Variants in RTKN2 observed in about 807,000 individuals in gnomAD.
RTKN2 encodes rhotekin 2.
Under a neutral mutation model 71.5 loss-of-function variants are expected in RTKN2, and 69 were observed. The observed-to-expected ratio is 0.96, with a 90% CI of 0.79 to 1.18. The LOEUF is 1.18. Ranked by LOEUF, RTKN2 falls within the 50% of genes most tolerant of loss-of-function variation. The pLI, the probability that RTKN2 is intolerant of heterozygous loss-of-function variation, is 0.00. For missense variants in RTKN2, 724 were observed against 719.7 expected (o/e 1.01, Z -0.07); for synonymous variants, 236 against 236.5 (o/e 1.00, Z 0.02).
chr10:62,247,521 T>C (rs1842501457), intron 2 of RTKN2, among the ~76,000 whole-genome samples: 1 of 151,980 alleles, frequency 6.6e-6, no homozygotes, highest in Non-Finnish European at 1.5e-5. Flanking sequence ...ATTCACTCAG[T>C]GAAACATACA....
chr10:62,217,415 G>T (rs544117923), intron 8 of RTKN2, among the ~76,000 whole-genome samples, 166 bp from the exon 9 acceptor site: 1 of 152,216 alleles, frequency 6.6e-6, no homozygotes, highest in East Asian at 1.9e-4. Context: ...CCAAATCCAA[G>T]AGTATGTTAA....
chr10:62,251,325 C>T (rs1842577431), intron 2 of RTKN2, among the ~76,000 whole-genome samples: 1 of 152,060 alleles, frequency 6.6e-6, no homozygotes, highest in South Asian at 2.1e-4. Context: ...TCTTACTGTG[C>T]CTAATTTACA....
At chr10:62,254,125 A>G (rs1233858459) in intron 2 of RTKN2, among the ~76,000 whole-genome samples, 1 of 152,220 alleles carries the variant, frequency 6.6e-6, no homozygotes, top group African/African-American at 2.4e-5. Context: ...TAACAAGACC[A>G]TAAGAAAAAG....
At position 62,236,075 on chromosome 10, in the gene RTKN2, G is replaced by GA; in HGVS notation, c.676dup (p.Ser226PhefsTer9). The GA allele has an allele frequency of 6.2e-7, 1 of 1,609,582 alleles. No individual in the cohort carries two copies. The highest frequency in any genetic ancestry group is 8.5e-7 in the Non-Finnish European group (1 of 1,176,614). Reference sequence around the variant, plus strand: ...AGTATTAAAAACTTACAAAACAGCAGAGCTGAGGAGCAAGCACATTTCATC... The same window carrying GA: ...AGTATTAAAAACTTACAAAACAGCAGAAGCTGAGGAGCAAGCACATTTCATC... On this transcript the variant is annotated frameshift_variant, in exon 6 of 12. Coordinates refer to ENST00000373789, the MANE Select transcript of RTKN2 (RefSeq NM_145307.4). LOFTEE classifies it high-confidence loss of function.
chr10:62,193,849 T>G lies in RTKN2; in HGVS notation c.*4059A>C, dbSNP rs1841271155. On this transcript the variant is annotated 3_prime_UTR_variant, in exon 12 of 12. Coordinates refer to ENST00000373789, the MANE Select transcript of RTKN2 (RefSeq NM_145307.4). The stretch of plus-strand genomic sequence containing the variant: ...ATGTAAACATTTTAATAATGTTAAT[T>G]ATACCATGGCTTATCAGAATGTTAG... 1.0e-6 allele frequency: 1 copy of G among 977,012 alleles called. No individual in the cohort carries two copies. The highest frequency in any genetic ancestry group is 1.2e-6 in the Non-Finnish European group (1 of 822,356). 60.5% of individuals were successfully genotyped at this position (977,012 alleles called of 1,614,324 possible).
intron 10 of RTKN2, among the ~76,000 whole-genome samples, chr10:62,204,449 A>C (rs1841507471): frequency 6.6e-6 from 1 of 152,202 alleles, no homozygotes; most frequent in Admixed American, 6.5e-5. Context: ...AGTTAAGGGA[A>C]GGCTACAAAG....
At chr10:62,199,197 A>G (rs913458880) in intron 11 of RTKN2, among the ~76,000 whole-genome samples, 1 of 152,230 alleles carries the variant, frequency 6.6e-6, no homozygotes, top group Non-Finnish European at 1.5e-5. Flanking sequence ...ACTGACTTGC[A>G]CTTGTTCACA....
chr10:62,238,914 C>A (rs1244973734), intron 5 of RTKN2: 1 of 151,820 alleles, frequency 6.6e-6, no homozygotes, highest in African/African-American at 2.4e-5. Flanking sequence ...ATCTAAAGAT[C>A]GTGTCTTTAA....
In RTKN2 at chr10:62,193,235, T is replaced by A. The variant is rs1841252550; in HGVS notation, c.*4673A>T. The A allele has an allele frequency of 1.1e-6, 1 of 920,518 alleles. No homozygotes were observed. The highest frequency in any genetic ancestry group is 1.3e-6 in the Non-Finnish European group (1 of 770,984). 57.0% of individuals were successfully genotyped at this position (920,518 alleles called of 1,614,324 possible). A position where few individuals can be genotyped will look rare whatever the true frequency, so the allele number is the denominator to read the frequency against. ...CAATTTATTTTGATATCTTGAACCA[T>A]CTGACATAATTATGTATATACAAGA... On this transcript the variant is annotated 3_prime_UTR_variant, in exon 12 of 12. Transcript: ENST00000373789.
At chr10:62,186,876 T>C (rs924490477) in intron 8 of RTKN2, among the ~76,000 whole-genome samples, 1 of 152,190 alleles carries the variant, frequency 6.6e-6, no homozygotes, top group Non-Finnish European at 1.5e-5. Context: ...GTTGGTTGAG[T>C]ACATTTTTCC....
At position 62,196,451 on chromosome 10, in the gene RTKN2, CA is replaced by C. The variant is rs1323855108; in HGVS notation, c.*1456del. On this transcript the variant is annotated 3_prime_UTR_variant, in exon 12 of 12. Transcript: ENST00000373789. ...TCTTACTAGGAGTCCTGGGCAAACA[CA>C]AAAGTGTCCTGGCAGTTACATCATT... is the stretch of plus-strand genomic sequence containing the variant. The C allele has an allele frequency of 5.1e-6, 5 of 985,236 alleles. No individual in the cohort carries two copies. The African/African-American group carries it at 8.7e-5, about 17-fold the overall frequency. 61.0% of individuals were successfully genotyped at this position (985,236 alleles called of 1,614,324 possible).
chr10:62,193,597 A>T lies in RTKN2; in HGVS notation c.*4311T>A. 1 of 985,118 alleles carries T rather than the reference A, an allele frequency of 1.0e-6. No individual in the cohort carries two copies. Among genetic ancestry groups the T allele is most frequent in the Non-Finnish European group, 1.2e-6 (1 of 829,682 alleles). 61.0% of individuals were successfully genotyped at this position (985,118 alleles called of 1,614,324 possible). A position where few individuals can be genotyped will look rare whatever the true frequency, so the allele number is the denominator to read the frequency against. The stretch of plus-strand genomic sequence containing the variant: ...ATAAAATGCTGAAATAATCCAACTG[A>T]GCCAGGATTGCTCATTTCTCTCCCC... On this transcript the variant is annotated 3_prime_UTR_variant, in exon 12 of 12. Transcript: ENST00000373789.
At position 62,218,286 on chromosome 10, in the gene RTKN2, C is replaced by T; in HGVS notation, c.797G>A (p.Trp266Ter). ...GCACATGTTGCCATACAGGGGAAGCCAAAATGAAGACTCCTCTATTTAAAG... is the reference window on the plus strand; with the variant it reads ...GCACATGTTGCCATACAGGGGAAGCTAAAATGAAGACTCCTCTATTTAAAG... ...SINGNEESSF[W>*]LPLYGNMCCR... Residue 266 changes from tryptophan to a stop codon, truncating the protein, a stop_gained, in exon 8 of 12, where the codon TGG (tryptophan) becomes TAG (stop). Transcript: ENST00000373789. LOFTEE classifies it high-confidence loss of function. 1 of 1,604,196 alleles carries T rather than the reference C, an allele frequency of 6.2e-7. No homozygotes were observed. The highest frequency in any genetic ancestry group is 8.5e-7 in the Non-Finnish European group (1 of 1,174,932).
At chr10:62,213,290 T>C (rs1841699352) in intron 9 of RTKN2, among the ~76,000 whole-genome samples, 2 of 150,132 alleles carry the variant, frequency 1.3e-5, no homozygotes, top group South Asian at 4.5e-4. Flanking sequence ...GGGAAGATTA[T>C]GTTGGAGAGA....
At chr10:62,237,071 G>C (rs1335827078) in intron 5 of RTKN2, among the ~76,000 whole-genome samples, 1 of 151,804 alleles carries the variant, frequency 6.6e-6, no homozygotes, top group East Asian at 1.9e-4. Context: ...AACATGAGGT[G>C]AATGTTAATC....
At position 62,219,420 on chromosome 10, in the gene RTKN2, A is replaced by G. The variant is rs146966801; in HGVS notation, c.782-1119T>C. ...AAAGCATGATAATTAAATGAAATGTATGATTCTGCATTGTATCCCTCTGCC... is the reference window on the plus strand; with the variant it reads ...AAAGCATGATAATTAAATGAAATGTGTGATTCTGCATTGTATCCCTCTGCC... On this transcript the variant is annotated intron_variant, in intron 7 of 11. Coordinates refer to ENST00000373789, the MANE Select transcript of RTKN2 (RefSeq NM_145307.4). Among the ~76,000 whole-genome samples the G allele has an allele frequency of 5.3e-5, 8 of 152,328 alleles. No individual in the cohort carries two copies. In the East Asian group the frequency reaches 1.5e-3, roughly 29 times the overall value.
At chr10:62,232,941 T>C (rs1287785862) in intron 6 of RTKN2, among the ~76,000 whole-genome samples, 1 of 152,164 alleles carries the variant, frequency 6.6e-6, no homozygotes, top group Admixed American at 6.5e-5. Context: ...TTAATCTCTC[T>C]TGGGTCACAG....
chr10:62,259,420 T>C (rs1319028155), intron 2 of RTKN2, among the ~76,000 whole-genome samples: 11 of 152,250 alleles, frequency 7.2e-5, no homozygotes, highest in Non-Finnish European at 1.2e-4. Flanking sequence ...CAAAGAACTC[T>C]GTAGCATTCC....
Position 62,196,824 on chromosome 10 carries a change from G to A in RTKN2, c.*1084C>T, listed in dbSNP as rs2132784948. The A allele has an allele frequency of 6.1e-6, 6 of 976,438 alleles. No individual in the cohort carries two copies. The South Asian group carries it at 2.8e-4, about 46-fold the overall frequency. The allele number at this position is 976,438 out of a possible 1,614,324, so 60.5% of individuals were successfully genotyped here. A position where few individuals can be genotyped will look rare whatever the true frequency, so the allele number is the denominator to read the frequency against. On this transcript the variant is annotated 3_prime_UTR_variant, in exon 12 of 12. Transcript: ENST00000373789. ...CATTATTATAAAAAATGGATTTTTT[G>A]TTCCTTTAAGGTATTTTTCTGCTAT...
Sources: allele counts gnomAD v4.1 joint callset (sites outside exome capture counted in the v4.1 genomes callset), GRCh38; gene constraint gnomAD v4.1.1; transcripts MANE v1.5; gene names NCBI Gene and HGNC (gene_info 2026-07-23, HGNC 2026-07-21).